Variants in LRP1B observed in about 807,000 individuals in gnomAD.
LRP1B encodes the protein LDL receptor related protein 1B.
A neutral mutation model predicts 556.6 loss-of-function variants in LRP1B; 217 were observed. The ratio of observed to expected loss-of-function variants is 0.39; its 90% CI spans 0.35 to 0.44. LRP1B has a LOEUF of 0.44. Among genes scored for constraint, LRP1B ranks in the 20% least tolerant of loss-of-function variants. LRP1B has a pLI of 1.00. For missense variants in LRP1B, 5,053 were observed against 5,620.8 expected (o/e 0.90, Z 3.23); for synonymous variants, 2,047 against 1,865.8 (o/e 1.10, Z -2.50).
At chr2:141,556,657 C>A (rs1236662730) in intron 2 of LRP1B, among the ~76,000 whole-genome samples, 2 of 151,744 alleles carry the variant, frequency 1.3e-5, no homozygotes, top group Non-Finnish European at 2.9e-5. Context: ...TCCAAGAAAA[C>A]TTCTAGAGGT....
chr2:140,274,688 TTAAAAA>T, intron 84 of LRP1B, 90 bp from the exon 85 acceptor site: 1 of 997,000 alleles, frequency 1.0e-6, no homozygotes, highest in Non-Finnish European at 1.5e-6. Context: ...CATTTATTAC[TTAAAAA>T]TAATAGGTAG....
At chr2:140,308,912 G>T (rs1005682084) in intron 83 of LRP1B, among the ~76,000 whole-genome samples, 9 of 151,670 alleles carry the variant, frequency 5.9e-5, no homozygotes, top group African/African-American at 2.2e-4. Context: ...CTGAGACAAA[G>T]TACCACTGTG....
chr2:140,358,989 A>G (rs370225497), intron 72 of LRP1B, 43 bp from the exon 73 acceptor site: 9 of 1,580,874 alleles, frequency 5.7e-6, no homozygotes, highest in Admixed American at 3.4e-5. Flanking sequence ...CTTCGAGTAC[A>G]TTGCTTTATG....
chr2:140,913,148 C>A (rs1222007631), intron 21 of LRP1B, among the ~76,000 whole-genome samples: 1 of 151,690 alleles, frequency 6.6e-6, no homozygotes, highest in African/African-American at 2.4e-5. Context: ...ATACTACTAA[C>A]CTTTAGTGTT....
chr2:141,980,555 A>G (rs1159915445), intron 1 of LRP1B, among the ~76,000 whole-genome samples: 1 of 152,180 alleles, frequency 6.6e-6, no homozygotes, highest in East Asian at 1.9e-4. Flanking sequence ...GAAACTGGAA[A>G]GATGGTTGTA....
At chr2:141,619,958 T>C (rs1435951215) in intron 2 of LRP1B, among the ~76,000 whole-genome samples, 2 of 152,216 alleles carry the variant, frequency 1.3e-5, no homozygotes, top group Non-Finnish European at 2.9e-5. Flanking sequence ...TTTTAAAATT[T>C]ATTATTATTT....
intron 3 of LRP1B, among the ~76,000 whole-genome samples, chr2:141,446,700 T>A (rs1490081124): frequency 1.3e-5 from 2 of 152,218 alleles, no homozygotes; most frequent in Non-Finnish European, 2.9e-5. Flanking sequence ...ATATTCTGGG[T>A]TGAAAATTCT....
chr2:140,644,401 C>CTTTTTTTTT (rs34828807), intron 41 of LRP1B, among the ~76,000 whole-genome samples: 4 of 132,856 alleles, frequency 3.0e-5, no homozygotes, highest in African/African-American at 1.1e-4. Context: ...TTTCTTTTTT[C>CTTTTTTTTT]TTTTTTTTTT....
At chr2:140,687,162 G>A (rs965984742) in intron 41 of LRP1B, among the ~76,000 whole-genome samples, 1 of 152,054 alleles carries the variant, frequency 6.6e-6, no homozygotes, top group African/African-American at 2.4e-5. Context: ...ATTTCTGAGA[G>A]AAGAGGAAAA....
chr2:140,382,171 T>C (rs1029912156), intron 67 of LRP1B, among the ~76,000 whole-genome samples: 4 of 152,196 alleles, frequency 2.6e-5, no homozygotes, highest in Admixed American at 2.6e-4. Flanking sequence ...ACAAGAATTT[T>C]TAGAATACAA....
At chr2:141,840,426 G>T (rs377044308) in intron 1 of LRP1B, among the ~76,000 whole-genome samples, 53 of 151,768 alleles carry the variant, frequency 3.5e-4, no homozygotes, top group Middle Eastern at 6.8e-3. Context: ...ACTACGCCCA[G>T]CTAATTTTTT....
At chr2:140,709,074 A>G (rs1178138802) in intron 37 of LRP1B, among the ~76,000 whole-genome samples, 2 of 152,120 alleles carry the variant, frequency 1.3e-5, no homozygotes, top group African/African-American at 4.8e-5. Context: ...AAGTATATAC[A>G]TAATCAAAAA....
chr2:140,706,458 C>A (rs1166317483), intron 37 of LRP1B, among the ~76,000 whole-genome samples: 1 of 151,988 alleles, frequency 6.6e-6, no homozygotes, highest in Admixed American at 6.6e-5. Context: ...AAAAAATGTT[C>A]TTTATTTAAA....
At chr2:140,887,774 A>G (rs1479430213) in intron 23 of LRP1B, among the ~76,000 whole-genome samples, 1 of 152,168 alleles carries the variant, frequency 6.6e-6, no homozygotes, top group Admixed American at 6.5e-5. Flanking sequence ...AAAACATTAC[A>G]CCAAGTGAAA....
chr2:141,046,564 T>A (rs1698875580), intron 11 of LRP1B, among the ~76,000 whole-genome samples: 1 of 152,178 alleles, frequency 6.6e-6, no homozygotes, highest in Admixed American at 6.6e-5. Context: ...AATGTTCTCA[T>A]AACCTTCATA....
At chr2:140,823,473 T>A (rs1031790543) in intron 31 of LRP1B, among the ~76,000 whole-genome samples, 1 of 152,152 alleles carries the variant, frequency 6.6e-6, no homozygotes, top group African/African-American at 2.4e-5. Flanking sequence ...TTTCATGGTG[T>A]AATGATCATG....
At chr2:141,537,970 G>C (rs1452597380) in intron 2 of LRP1B, among the ~76,000 whole-genome samples, 3 of 152,118 alleles carry the variant, frequency 2.0e-5, no homozygotes, top group Admixed American at 2.0e-4. Flanking sequence ...AAACCTGTAG[G>C]ATAAAAGTTT....
At chr2:141,139,781 ATGTGTGTGTGTGTG>A (rs58413685) in intron 7 of LRP1B, among the ~76,000 whole-genome samples, 31 of 148,136 alleles carry the variant, frequency 2.1e-4, no homozygotes, top group Admixed American at 8.8e-4. Flanking sequence ...CATTGGAAAA[ATGTGTGTGTGTGTG>A]TGTGTGTGTG....
intron 3 of LRP1B, among the ~76,000 whole-genome samples, chr2:141,392,453 C>T (rs114142092): frequency 0.015 from 1,537 of 102,066 alleles, 35 homozygotes; most frequent in African/African-American, 0.056. Flanking sequence ...TCAGCATTGT[C>T]CTCTCTTAAA....
Sources: allele counts gnomAD v4.1 joint callset (sites outside exome capture counted in the v4.1 genomes callset), GRCh38; gene constraint gnomAD v4.1.1; transcripts MANE v1.5; gene names NCBI Gene and HGNC (gene_info 2026-07-23, HGNC 2026-07-21).